The following FGGY variants were observed in gnomAD, a reference collection of about 807,000 sequenced individuals.
The protein encoded by FGGY is FGGY carbohydrate kinase domain containing.
In FGGY, 72 loss-of-function variants were observed where a neutral mutation model predicts 71.3. The observed-to-expected ratio is 1.01, with a 90% CI of 0.84 to 1.23. The LOEUF is 1.23. FGGY is among the 50% of genes most tolerant of loss of function. FGGY has a pLI of 0.00. For missense variants in FGGY, 668 were observed against 682.3 expected, an observed-to-expected ratio of 0.98 and a Z score of 0.23; for synonymous variants, 251 against 250.3, an observed-to-expected ratio of 1.00 and a Z score of -0.02.
intron 6 of FGGY, among the ~76,000 whole-genome samples, chr1:59,495,755 C>A (rs1281579576): frequency 6.6e-6 from 1 of 151,940 alleles, no homozygotes; most frequent in African/African-American, 2.4e-5. Flanking sequence ...TTCCTTATTG[C>A]TTGTTTGTGT....
chr1:59,591,553 A>G (rs2096438345), intron 8 of FGGY, among the ~76,000 whole-genome samples: 2 of 152,254 alleles, frequency 1.3e-5, no homozygotes, highest in African/African-American at 4.8e-5. Flanking sequence ...ACAAGGCTAC[A>G]GTAACCAAAA....
chr1:59,642,966 T>C lies in FGGY; in HGVS notation c.1221+4591T>C, dbSNP rs1165093345. Among the ~76,000 whole-genome samples, 4 of 138,264 alleles carry C rather than the reference T, an allele frequency of 2.9e-5. No homozygotes were observed. In the East Asian group the frequency reaches 8.6e-4, roughly 30 times the overall value. 90.7% of individuals were successfully genotyped at this position (138,264 alleles called of 152,430 possible). A position where few individuals can be genotyped will look rare whatever the true frequency, so the allele number is the denominator to read the frequency against. ...AGGAGAATGGCGAGAACCTGGGGGG[T>C]GGAGCTTGCAGTGAGCCAAGATCAC... On this transcript the variant is annotated intron_variant, in intron 11 of 15. Transcript: ENST00000303721.
At chr1:59,682,245 G>A (rs2097507550) in intron 14 of FGGY, among the ~76,000 whole-genome samples, 1 of 152,182 alleles carries the variant, frequency 6.6e-6, no homozygotes, top group Non-Finnish European at 1.5e-5. Context: ...ACCAAAGACT[G>A]TTCAGCTCAG....
intron 14 of FGGY, among the ~76,000 whole-genome samples, chr1:59,704,517 G>A (rs577839582): frequency 2.0e-5 from 3 of 152,150 alleles, no homozygotes; most frequent in Admixed American, 6.5e-5. Flanking sequence ...AGTAGAGATT[G>A]TATAATAGAA....
chr1:59,451,250 G>A (rs2072627189), intron 5 of FGGY, among the ~76,000 whole-genome samples: 1 of 151,804 alleles, frequency 6.6e-6, no homozygotes, highest in Admixed American at 6.6e-5. Context: ...CTTATGTTCT[G>A]CCTAAACATG....
At chr1:59,337,742 C>G (rs2049882154) in intron 2 of FGGY, among the ~76,000 whole-genome samples, 1 of 151,946 alleles carries the variant, frequency 6.6e-6, no homozygotes, top group South Asian at 2.1e-4. Flanking sequence ...CTTATTAGTT[C>G]TAGTAATTTT....
intron 14 of FGGY, among the ~76,000 whole-genome samples, chr1:59,743,639 A>G (rs1442463879): frequency 6.6e-6 from 1 of 150,752 alleles, no homozygotes; most frequent in Admixed American, 6.6e-5. Flanking sequence ...GTGCCTATCT[A>G]TAATATGGTA....
intron 6 of FGGY, among the ~76,000 whole-genome samples, chr1:59,481,906 AC>A: frequency 6.6e-6 from 1 of 152,296 alleles, no homozygotes; most frequent in Non-Finnish European, 1.5e-5. Flanking sequence ...GATCTATTTC[AC>A]AGAGTATCTT....
intron 13 of FGGY, among the ~76,000 whole-genome samples, chr1:59,668,991 C>CAAAAAAAAA (rs33999903): frequency 2.7e-5 from 1 of 37,106 alleles, no homozygotes; most frequent in Admixed American, 2.5e-4. Flanking sequence ...AACTCCATCT[C>CAAAAAAAAA]AAAAAAAAAA....
intron 11 of FGGY, among the ~76,000 whole-genome samples, chr1:59,655,336 G>A (rs1177472302): frequency 6.6e-6 from 1 of 152,148 alleles, no homozygotes; most frequent in Non-Finnish European, 1.5e-5. Context: ...AGGTATACAT[G>A]TGCCATGGTG....
At chr1:59,437,467 G>A (rs775284739) in intron 5 of FGGY, among the ~76,000 whole-genome samples, 2 of 152,230 alleles carry the variant, frequency 1.3e-5, no homozygotes, top group Non-Finnish European at 2.9e-5. Context: ...TCAGCAAAGA[G>A]TATAATGAAA....
chr1:59,693,703 C>T (rs1328081868), intron 14 of FGGY, among the ~76,000 whole-genome samples: 2 of 151,972 alleles, frequency 1.3e-5, no homozygotes, highest in African/African-American at 2.4e-5. Context: ...AAGTCATATA[C>T]GTGCACAGAA....
At chr1:59,389,442 ATAC>A (rs1418186984) in intron 5 of FGGY, among the ~76,000 whole-genome samples, 1 of 152,234 alleles carries the variant, frequency 6.6e-6, no homozygotes, top group Non-Finnish European at 1.5e-5. Context: ...TTGTGTGCAT[ATAC>A]TACATTTTGC....
At chr1:59,323,988 C>G (rs2046871170) in intron 2 of FGGY, among the ~76,000 whole-genome samples, 1 of 152,184 alleles carries the variant, frequency 6.6e-6, no homozygotes, top group Non-Finnish European at 1.5e-5. Context: ...TTGAGAAACA[C>G]TGGTCTAGGG....
chr1:59,694,029 C>T (rs111404297), intron 14 of FGGY, among the ~76,000 whole-genome samples: 1,953 of 148,660 alleles, frequency 0.013, 41 homozygotes, highest in African/African-American at 0.045. Context: ...TGGCCGGGCG[C>T]GGTGGCTCAC....
At chr1:59,751,213 G>C (rs528001978) in intron 14 of FGGY, among the ~76,000 whole-genome samples, 32 of 152,266 alleles carry the variant, frequency 2.1e-4, no homozygotes, top group Middle Eastern at 3.4e-3. Flanking sequence ...TCACAAAGTG[G>C]TGATAGATGA....
At chr1:59,615,170 A>G (rs2096737582) in intron 9 of FGGY, among the ~76,000 whole-genome samples, 1 of 152,204 alleles carries the variant, frequency 6.6e-6, no homozygotes, top group African/African-American at 2.4e-5. Context: ...ATATGGAATC[A>G]AAAAAGAGCC....
intron 2 of FGGY, among the ~76,000 whole-genome samples, chr1:59,325,060 A>G (rs538618296): frequency 2.0e-5 from 3 of 152,272 alleles, no homozygotes; most frequent in East Asian, 1.9e-4. Context: ...CCCACCTTAT[A>G]AAGTAAGCTT....
At chr1:59,373,963 C>T (rs1275832254) in intron 4 of FGGY, among the ~76,000 whole-genome samples, 1 of 152,146 alleles carries the variant, frequency 6.6e-6, no homozygotes, top group Non-Finnish European at 1.5e-5. Context: ...AGAAGAAACC[C>T]AGGCAATACC....
Sources: gnomAD v4.1 joint callset for allele counts (sites outside exome capture counted in the v4.1 genomes callset) on GRCh38, gnomAD v4.1.1 for gene constraint, MANE v1.5 for transcripts, NCBI Gene and HGNC (gene_info 2026-07-23, HGNC 2026-07-21) for gene names.